GRIP1: variants seen among roughly 807,000 people sequenced by gnomAD.
The protein encoded by GRIP1 is glutamate receptor-interacting protein 1.
In GRIP1, 45 loss-of-function variants were observed where a neutral mutation model predicts 129.9. The observed-to-expected ratio is 0.35, with a 90% CI of 0.27 to 0.44. The LOEUF is 0.44. GRIP1 is among the 20% of genes least tolerant of loss of function. GRIP1 has a pLI of 1.00. For synonymous variants in GRIP1, 530 were observed against 520.8 expected (o/e 1.02, Z -0.24); for missense variants, 1,196 against 1,396.8 (o/e 0.86, Z 2.29).
chr12:66,999,639 C>T (rs1216715281), intron 1 of GRIP1, among the ~76,000 whole-genome samples: 2 of 152,092 alleles, frequency 1.3e-5, no homozygotes, highest in Non-Finnish European at 2.9e-5. Context: ...TATTAACCAT[C>T]ACCAAGGAAA....
intron 1 of GRIP1, among the ~76,000 whole-genome samples, chr12:66,867,437 T>C (rs955096696): frequency 6.6e-6 from 1 of 152,118 alleles, no homozygotes; most frequent in Non-Finnish European, 1.5e-5. Flanking sequence ...ATCTATAATT[T>C]AAGCTTCTAG....
Position 66,444,654 on chromosome 12 carries a change from T to C in GRIP1, c.1617A>G (p.Glu539=). The part of the protein sequence containing the change: ...GIPTEDSTFE[E]ASQLLRDSSI... ...AAGAGTCTCGGAGGAGCTGACTGGC[T>C]TCTTCGAAGGTGCTGTCTTCTGTTG... The change falls in exon 13 of 25, where the codon GAA becomes GAG. Residue 539 remains glutamate (E), a synonymous_variant. Coordinates refer to ENST00000359742, the MANE Select transcript of GRIP1 (RefSeq NM_001366722.1). 6.2e-7 allele frequency: 1 copy of C among 1,614,130 alleles called. No homozygotes were observed. The highest frequency in any genetic ancestry group is 8.5e-7 in the Non-Finnish European group (1 of 1,179,982).
intron 1 of GRIP1, among the ~76,000 whole-genome samples, chr12:67,011,700 T>C (rs962506009): frequency 6.6e-6 from 1 of 152,134 alleles, no homozygotes; most frequent in African/African-American, 2.4e-5. Context: ...AGGTTCTCCT[T>C]CTTATTCTTT....
chr12:66,531,252 AATATATATATATATATATATATATATAT>A (rs71069009), intron 4 of GRIP1, among the ~76,000 whole-genome samples: 575 of 19,460 alleles, frequency 0.03, 52 homozygotes, highest in South Asian at 0.12. Flanking sequence ...AAAAAAAAAA[AATATATATATATATATATATATATATAT>A]ATATATATAT....
chr12:66,701,061 T>C (rs2035333574), intron 1 of GRIP1, among the ~76,000 whole-genome samples: 1 of 152,142 alleles, frequency 6.6e-6, no homozygotes, highest in African/African-American at 2.4e-5. Context: ...GAAGACCTAG[T>C]GAATAGAAGA....
intron 1 of GRIP1, among the ~76,000 whole-genome samples, chr12:66,619,266 AC>A (rs1385749371): frequency 7.2e-5 from 11 of 152,180 alleles, no homozygotes; most frequent in Non-Finnish European, 1.0e-4. Context: ...AAAACAGAGT[AC>A]AAAGCCTATA....
chr12:66,553,972 C>T (rs946981206), intron 2 of GRIP1, among the ~76,000 whole-genome samples: 1 of 152,126 alleles, frequency 6.6e-6, no homozygotes, highest in Non-Finnish European at 1.5e-5. Flanking sequence ...ACTTGAAAGG[C>T]AGTCTAAGCC....
chr12:66,576,823 A>G (rs12833815), intron 2 of GRIP1, among the ~76,000 whole-genome samples: 37,273 of 152,184 alleles, frequency 0.24, 4,706 homozygotes, highest in Admixed American at 0.28. Flanking sequence ...TACACAGAGT[A>G]CTACCCCTCA....
At chr12:66,375,856 G>A (rs2055761419) in intron 22 of GRIP1, among the ~76,000 whole-genome samples, 1 of 152,150 alleles carries the variant, frequency 6.6e-6, no homozygotes, top group Non-Finnish European at 1.5e-5. Context: ...CTTCAAAAGG[G>A]AAATATCAAA....
chr12:66,667,874 C>T (rs2033880817), intron 1 of GRIP1, among the ~76,000 whole-genome samples: 1 of 152,164 alleles, frequency 6.6e-6, no homozygotes, highest in Non-Finnish European at 1.5e-5. Context: ...TGCCTGATTT[C>T]CAAAAACCAC....
chr12:66,946,885 T>TA (rs962363887), intron 1 of GRIP1, among the ~76,000 whole-genome samples: 10 of 148,318 alleles, frequency 6.7e-5, no homozygotes, highest in East Asian at 4.0e-4. Flanking sequence ...CTACTAAAAG[T>TA]AAAAAAAAAT....
At chr12:66,775,135 C>T (rs1287342691) in intron 1 of GRIP1, among the ~76,000 whole-genome samples, 1 of 152,138 alleles carries the variant, frequency 6.6e-6, no homozygotes, top group Non-Finnish European at 1.5e-5. Flanking sequence ...TTAAAGGATG[C>T]ATCTGTGCTC....
intron 1 of GRIP1, among the ~76,000 whole-genome samples, chr12:67,056,449 T>C (rs568107522): frequency 3.9e-5 from 6 of 152,184 alleles, no homozygotes; most frequent in Non-Finnish European, 7.3e-5. Context: ...CCTCACAGCA[T>C]TGTGGCTTCA....
At chr12:66,597,705 G>C (rs371516623) in intron 1 of GRIP1, among the ~76,000 whole-genome samples, 12 of 152,162 alleles carry the variant, frequency 7.9e-5, no homozygotes, top group African/African-American at 2.9e-4. Context: ...GACTAAAACA[G>C]CAGGTGACAA....
intron 1 of GRIP1, among the ~76,000 whole-genome samples, chr12:66,749,622 G>T (rs2037061875): frequency 6.6e-6 from 1 of 152,130 alleles, no homozygotes; most frequent in Non-Finnish European, 1.5e-5. Flanking sequence ...TGGCAGTTTT[G>T]CCACTTGGGA....
rs562813018 is a variant in GRIP1 at position 66,425,586 on chromosome 12, A to T, written c.1769-4797T>A. Among the ~76,000 whole-genome samples, 449 of 152,094 alleles carry T rather than the reference A, an allele frequency of 3.0e-3. 6 individuals carry two copies. The highest frequency in any genetic ancestry group is 0.01 in the African/African-American group (426 of 41,500). ...TAGAACCAACCCAAATGTCCAACAA[A>T]GATAGACTGGATTAAGAAAATGTGG... On this transcript the variant is annotated intron_variant, in intron 14 of 24. Transcript: ENST00000359742.
intron 1 of GRIP1, among the ~76,000 whole-genome samples, chr12:66,818,384 G>A (rs2039261241): frequency 6.6e-6 from 1 of 152,040 alleles, no homozygotes; most frequent in South Asian, 2.1e-4. Context: ...TTTTATTATT[G>A]GCAACAAATG....
intron 1 of GRIP1, among the ~76,000 whole-genome samples, chr12:67,003,813 T>C (rs186870596): frequency 5.9e-4 from 90 of 152,332 alleles, no homozygotes; most frequent in African/African-American, 2.1e-3. Context: ...AAAATAGACA[T>C]GCATTAATTT....
At chr12:66,417,127 T>C (rs553627575) in intron 15 of GRIP1, among the ~76,000 whole-genome samples, 28 of 152,204 alleles carry the variant, frequency 1.8e-4, no homozygotes, top group African/African-American at 5.5e-4. Context: ...GATTAAAAGA[T>C]GGTGCAAGCT....
Sources: allele counts gnomAD v4.1 joint callset (sites outside exome capture counted in the v4.1 genomes callset), GRCh38; gene constraint gnomAD v4.1.1; transcripts MANE v1.5; gene names NCBI Gene and HGNC (gene_info 2026-07-23, HGNC 2026-07-21).